The following VPS39 variants were observed in gnomAD, a reference collection of about 807,000 sequenced individuals.
VPS39 encodes the protein vam6/Vps39-like protein.
A neutral mutation model predicts 121.0 loss-of-function variants in VPS39; 70 were observed. The ratio of observed to expected loss-of-function variants is 0.58; its 90% confidence interval spans 0.48 to 0.71. The LOEUF is 0.71. Among genes scored for constraint, VPS39 ranks in the 30% least tolerant of loss-of-function variants. The pLI, the probability that VPS39 is intolerant of heterozygous loss-of-function variation, is 0.00. For synonymous variants in VPS39, 378 were observed against 398.1 expected, an observed-to-expected ratio of 0.95 and a Z score of 0.60; for missense variants, 818 against 1,051.5, an observed-to-expected ratio of 0.78 and a Z score of 3.07.
chr15:42,163,324 C>T, intron 21 of VPS39, 26 bp downstream of exon 21: 1 of 1,614,172 alleles, frequency 6.2e-7, no homozygotes, highest in Non-Finnish European at 8.5e-7. Context: ...TGCACACGTG[C>T]TCCCTGGGTC....
At chr15:42,184,272 A>C (rs557152337) in intron 8 of VPS39, 1 of 328,010 alleles carries the variant, frequency 3.0e-6, no homozygotes, top group South Asian at 1.4e-4. Context: ...GTAGATAATC[A>C]CTTCCTAAAA....
chr15:42,190,889 C>T (rs1441604428), intron 4 of VPS39, among the ~76,000 whole-genome samples: 1 of 152,138 alleles, frequency 6.6e-6, no homozygotes, highest in Non-Finnish European at 1.5e-5. Flanking sequence ...ATAGAATAGG[C>T]TCAATAAATA....
intron 10 of VPS39, among the ~76,000 whole-genome samples, chr15:42,177,397 C>T (rs2049476811): frequency 1.3e-5 from 2 of 152,052 alleles, no homozygotes; most frequent in African/African-American, 4.8e-5. Flanking sequence ...TGAACAAGAT[C>T]CCTTGCAAAC....
chr15:42,160,691 G>C lies in VPS39; in HGVS notation c.*63C>G. On this transcript the variant is annotated 3_prime_UTR_variant, in exon 25 of 25. Transcript: ENST00000318006. ...TGGCAGCCAGGATTCCTAAGGCCAG[G>C]TGCTCCTTCACCTCTCTGGGAGAGC... 2 of 1,476,280 alleles carry C rather than the reference G, an allele frequency of 1.4e-6. No individual in the cohort carries two copies. The allele number at this position is 1,476,280 out of a possible 1,614,324, so 91.4% of individuals were successfully genotyped here.
chr15:42,203,466 T>G (rs1473849231), intron 1 of VPS39, among the ~76,000 whole-genome samples: 2 of 136,414 alleles, frequency 1.5e-5, no homozygotes, highest in Non-Finnish European at 3.0e-5. Flanking sequence ...GGGGCAGGAC[T>G]CTGTCTCAAA....
chr15:42,163,457 G>A (rs906464596), intron 20 of VPS39, 62 bp from the exon 21 acceptor site: 4 of 1,605,670 alleles, frequency 2.5e-6, no homozygotes, highest in Non-Finnish European at 1.7e-6. Flanking sequence ...ATGAGAGGCT[G>A]TGCGTGCAGC....
intron 10 of VPS39, among the ~76,000 whole-genome samples, chr15:42,175,333 G>A (rs528561138): frequency 3.5e-4 from 53 of 150,860 alleles, no homozygotes; most frequent in East Asian, 2.0e-3. Context: ...GCTTGAACCC[G>A]GGAGGCGGAG....
In VPS39 at chr15:42,187,792, T is replaced by G. The variant is rs778782704; in HGVS notation, c.407A>C (p.Tyr136Ser). 1 of 1,613,994 alleles carries G rather than the reference T, an allele frequency of 6.2e-7. No homozygotes were observed. The highest frequency in any genetic ancestry group is 8.5e-7 in the Non-Finnish European group (1 of 1,180,022). The change falls in exon 6 of 25, where the codon TAT becomes TCT. Residue 136 changes from tyrosine (Y) to serine (S), a missense_variant. Physicochemically the swap from Tyr to Ser is moderately radical, Grantham distance 144 (BLOSUM62 -2). Coordinates refer to ENST00000318006, the MANE Select transcript of VPS39 (RefSeq NM_015289.5). ...CVAVKKKLQLYFWKDREFHEL... is the reference protein window; with the variant it reads ...CVAVKKKLQLSFWKDREFHEL... ...ATGAAATTCCCTGTCCTTCCAGAAA[T>G]AGAGCTGCAGCTTCTTTTTTACTGC...
chr15:42,197,387 A>G (rs1200521838), intron 2 of VPS39, among the ~76,000 whole-genome samples: 1 of 151,984 alleles, frequency 6.6e-6, no homozygotes, highest in Non-Finnish European at 1.5e-5. Flanking sequence ...AATGCTAAAA[A>G]AAAAAAGATA....
Position 42,165,805 on chromosome 15 carries a change from T to C in VPS39, c.1692A>G (p.Glu564=), listed in dbSNP as rs201390887. The C allele has an allele frequency of 5.5e-5, 88 of 1,614,118 alleles. No homozygotes were observed. In the African/African-American group the frequency reaches 1.0e-3, roughly 19 times the overall value. The stretch of plus-strand genomic sequence containing the variant: ...GCAGAGACTCCACTTCCGGGAGATC[T>C]TCAGTAAATATCTGTTAGAATGAAC... The part of the protein sequence containing the change: ...FPEDGLKIFT[E]DLPEVESLPR... Residue 564 remains glutamate, a synonymous_variant, in exon 17 of 25, where the codon GAA becomes GAG. Transcript: ENST00000318006.
Position 42,208,170 on chromosome 15 carries a change from T to G in VPS39, c.-17A>C, listed in dbSNP as rs769002568. On this transcript the variant is annotated 5_prime_UTR_variant, in exon 1 of 25. Transcript: ENST00000318006. ...GTCGTGCATGGCGGCAAGGGGAGAGTTGCCACCGCCGTCTCGCCCAGAGTG... is the reference window on the plus strand; with the variant it reads ...GTCGTGCATGGCGGCAAGGGGAGAGGTGCCACCGCCGTCTCGCCCAGAGTG... 6.4e-7 allele frequency: 1 copy of G among 1,560,498 alleles called. No individual in the cohort carries two copies. The highest frequency in any genetic ancestry group is 1.2e-5 in the South Asian group (1 of 84,718).
At chr15:42,173,312 T>C (rs896663190) in intron 11 of VPS39, among the ~76,000 whole-genome samples, 6 of 152,362 alleles carry the variant, frequency 3.9e-5, no homozygotes, top group African/African-American at 1.4e-4. Context: ...TCTAGAGGTT[T>C]CAGGACATTA....
At chr15:42,202,417 AT>A in intron 1 of VPS39, among the ~76,000 whole-genome samples, 1 of 152,162 alleles carries the variant, frequency 6.6e-6, no homozygotes, top group Non-Finnish European at 1.5e-5. Flanking sequence ...AAAAGAATTC[AT>A]TTTGCAATAT....
At chr15:42,173,902 T>C in intron 10 of VPS39, 50 bp from the exon 11 acceptor site, 1 of 1,602,798 alleles carries the variant, frequency 6.2e-7, no homozygotes, top group Admixed American at 1.7e-5. Context: ...ACAAATATTG[T>C]TCAGTATGTT....
chr15:42,206,970 ATT>A (rs754254322), intron 1 of VPS39, among the ~76,000 whole-genome samples: 10 of 152,238 alleles, frequency 6.6e-5, no homozygotes, highest in African/African-American at 9.6e-5. Context: ...AGGAAGTAGG[ATT>A]CTCCTCTTAA....
chr15:42,176,758 T>C (rs762628394), intron 10 of VPS39, among the ~76,000 whole-genome samples: 26 of 152,188 alleles, frequency 1.7e-4, no homozygotes, highest in Admixed American at 4.6e-4. Flanking sequence ...CATAGGTAAC[T>C]TAAAGTATCT....
chr15:42,165,919 A>G (rs891210547), intron 16 of VPS39, 103 bp from the exon 17 acceptor site: 16 of 1,173,330 alleles, frequency 1.4e-5, no homozygotes, highest in Middle Eastern at 4.1e-4. Context: ...TTAGGAGGGC[A>G]AGGGTACGAG....
intron 24 of VPS39, chr15:42,161,241 C>G (rs767888755): frequency 1.3e-5 from 4 of 306,580 alleles, no homozygotes; most frequent in Non-Finnish European, 1.9e-5. Flanking sequence ...AGACAAATCA[C>G]TCTCCTTTGA....
intron 11 of VPS39, among the ~76,000 whole-genome samples, chr15:42,171,885 T>C (rs545399596): frequency 6.2e-4 from 95 of 152,142 alleles, no homozygotes; most frequent in African/African-American, 8.4e-4. Context: ...GGTGGTAGGA[T>C]AGCTCTAGGG....
Sources: gnomAD v4.1 joint callset for allele counts (sites outside exome capture counted in the v4.1 genomes callset) on GRCh38, gnomAD v4.1.1 for gene constraint, MANE v1.5 for transcripts, NCBI Gene and HGNC (gene_info 2026-07-23, HGNC 2026-07-21) for gene names.